CHIA: variants seen among roughly 807,000 people sequenced by gnomAD.
The protein encoded by CHIA is chitinase acidic.
Under a neutral mutation model 53.5 loss-of-function variants are expected in CHIA, and 47 were observed. That is an observed-to-expected ratio of 0.88 (90% CI 0.70 to 1.12). CHIA has a LOEUF of 1.12. Ranked by LOEUF, CHIA falls within the 50% of genes most tolerant of loss-of-function variation. CHIA has a pLI of 0.00. For missense variants in CHIA, 652 were observed against 592.2 expected (o/e 1.10, Z -1.05); for synonymous variants, 268 against 222.2 (o/e 1.21, Z -1.83).
rs775941250 is a variant in CHIA, at chr1:111,315,245, C to T, written c.315-25C>T. ...GGTGTTGGGACCACCAAGGTCTCAC[C>T]CTGCCTTCTTTGGGTCTCCCTCAGT... On this transcript the variant is annotated intron_variant, in intron 5 of 11. Transcript: ENST00000369740. 10 of 1,601,558 alleles carry T rather than the reference C, an allele frequency of 6.2e-6. No homozygotes were observed. In the East Asian group the frequency reaches 1.8e-4, roughly 29 times the overall value.
chr1:111,318,684 T>C lies in CHIA; in HGVS notation c.915+6T>C. 5 of 1,609,960 alleles carry C rather than the reference T, an allele frequency of 3.1e-6. No individual in the cohort carries two copies. The highest frequency in any genetic ancestry group is 8.5e-7 in the Non-Finnish European group (1 of 1,177,656). On this transcript the variant is annotated splice_donor_region_variant and intron_variant, in intron 9 of 11. Transcript: ENST00000369740. Reference sequence around the variant, plus strand: ...GGATCTGGGCTTACTACGAGGTATGTAGATTGGACTGAAAAGTGCTCTGTG... The same window carrying C: ...GGATCTGGGCTTACTACGAGGTATGCAGATTGGACTGAAAAGTGCTCTGTG...
At chr1:111,313,766 A>G (rs1278547232) in intron 4 of CHIA, among the ~76,000 whole-genome samples, 2 of 152,116 alleles carry the variant, frequency 1.3e-5, no homozygotes, top group African/African-American at 4.8e-5. Flanking sequence ...TAGTTTTACA[A>G]TTTGAGGTCA....
chr1:111,294,870 T>C (rs574679988), intron 1 of CHIA, among the ~76,000 whole-genome samples: 2 of 152,314 alleles, frequency 1.3e-5, no homozygotes, highest in South Asian at 2.1e-4. Context: ...ATTTCTTGCA[T>C]TCAATGAATA....
intron 2 of CHIA, 103 bp from the exon 3 acceptor site, chr1:111,311,586 T>C: frequency 5.2e-6 from 7 of 1,334,554 alleles, no homozygotes; most frequent in Non-Finnish European, 7.5e-6. Context: ...TCACTGAGGT[T>C]GTAACAATTT....
intron 9 of CHIA, 70 bp downstream of exon 9, chr1:111,318,748 A>C: frequency 6.7e-7 from 1 of 1,484,304 alleles, no homozygotes; most frequent in Non-Finnish European, 9.1e-7. Context: ...AATCTGCTGA[A>C]ATCTTGAATG....
At chr1:111,293,244 T>A (rs1661133911) in intron 1 of CHIA, among the ~76,000 whole-genome samples, 1 of 152,166 alleles carries the variant, frequency 6.6e-6, no homozygotes, top group South Asian at 2.1e-4. Flanking sequence ...TGTTAACACT[T>A]ATTATTTTCT....
rs762927070 is a variant in CHIA, at chr1:111,318,572, AC to A, written c.810del (p.Phe271SerfsTer3). ...LIVGFPTYGHNFILSNPSNTG... is the reference protein window; with the variant it reads ...LIVGFPTYGHXFILSNPSNTG... ...GTTGGATTCCCTACCTATGGACACA[AC>A]TTCATCCTGAGCAACCCCTCCAACA... On this transcript the variant is annotated frameshift_variant, in exon 9 of 12. Transcript: ENST00000369740. LOFTEE classifies it high-confidence loss of function. 6.2e-7 allele frequency: 1 copy of A among 1,614,174 alleles called. No homozygotes were observed. The highest frequency in any genetic ancestry group is 1.1e-5 in the South Asian group (1 of 91,080).
chr1:111,300,037 C>A (rs773231591), intron 1 of CHIA, among the ~76,000 whole-genome samples: 1 of 152,030 alleles, frequency 6.6e-6, no homozygotes, highest in Non-Finnish European at 1.5e-5. Context: ...ATGTGAAGGA[C>A]CTCTTCAAGG....
rs1279037497 is a variant in CHIA, at chr1:111,315,413, A to G, written c.458A>G (p.His153Arg). ...GSRGSPPQDK[H>R]LFTVLVQEMR... ...CGTGGGAGCCCTCCTCAGGACAAGC[A>G]TCTCTTCACTGTCCTGGTGCAGGTG... The change falls in exon 6 of 12, where the codon CAT (histidine) becomes CGT (arginine). Residue 153 changes from histidine to arginine, a missense_variant. Coordinates refer to ENST00000369740, the MANE Select transcript of CHIA (RefSeq NM_201653.4). 1 of 1,614,086 alleles carries G rather than the reference A, an allele frequency of 6.2e-7. No individual in the cohort carries two copies. The highest frequency in any genetic ancestry group is 1.1e-5 in the South Asian group (1 of 91,070).
At chr1:111,319,590 T>A in intron 11 of CHIA, 122 bp downstream of exon 11, 1 of 902,818 alleles carries the variant, frequency 1.1e-6, no homozygotes, top group Non-Finnish European at 1.7e-6. Flanking sequence ...ACCTCACCGC[T>A]CTTGCCCAGA....
chr1:111,310,536 C>A (rs1259840523), intron 2 of CHIA, 44 bp downstream of exon 2: 2 of 1,613,546 alleles, frequency 1.2e-6, no homozygotes, highest in Admixed American at 3.3e-5. Flanking sequence ...TATCTAGTTT[C>A]TTTTTCTCTC....
In CHIA at chr1:111,315,372, G is replaced by C; in HGVS notation, c.417G>C (p.Trp139Cys). 2 of 1,614,050 alleles carry C rather than the reference G, an allele frequency of 1.2e-6. No homozygotes were observed. Among genetic ancestry groups the C allele is most frequent in the Non-Finnish European group, 1.7e-6 (2 of 1,179,982 alleles). ...QYEFDGLDFD[W>C]EYPGSRGSPP... ...AGTTTGACGGGCTGGACTTTGACTG[G>C]GAGTACCCTGGCTCTCGTGGGAGCC... The change falls in exon 6 of 12, where the codon TGG becomes TGC. Residue 139 changes from tryptophan (W) to cysteine (C), a missense_variant. By Grantham distance (215) the Trp-to-Cys change is radical. Transcript: ENST00000369740.
At chr1:111,319,070 C>A in intron 9 of CHIA, 50 bp from the exon 10 acceptor site, 1 of 1,573,036 alleles carries the variant, frequency 6.4e-7, no homozygotes, top group Non-Finnish European at 8.6e-7. Flanking sequence ...ACATGTTTTT[C>A]TTTAATGGGA....
intron 1 of CHIA, among the ~76,000 whole-genome samples, chr1:111,308,092 G>A (rs4367782): frequency 0.41 from 62,206 of 152,020 alleles, 14,023 homozygotes; most frequent in East Asian, 0.83. Context: ...ACTCATAAAC[G>A]CAGTAATTCT....
intron 1 of CHIA, among the ~76,000 whole-genome samples, chr1:111,301,122 A>C (rs1183599187): frequency 6.6e-6 from 1 of 152,234 alleles, no homozygotes; most frequent in Admixed American, 6.5e-5. Context: ...ACACTTTTAC[A>C]CTGTTGGTGG....
rs543511960 is a variant in CHIA at position 111,310,242 on chromosome 1, C to T, written c.-68-158C>T. On this transcript the variant is annotated intron_variant, in intron 1 of 11. Transcript: ENST00000369740. ...ATGGTCTCCACCACCCTGTTAGGAGCCATGACATTGTTCTGTCCTTGTTGG... is the reference window on the plus strand; with the variant it reads ...ATGGTCTCCACCACCCTGTTAGGAGTCATGACATTGTTCTGTCCTTGTTGG... 7.2e-6 allele frequency: 6 copies of T among 835,092 alleles called. No individual in the cohort carries two copies. The South Asian group carries it at 1.4e-4, about 20-fold the overall frequency. The allele number at this position is 835,092 out of a possible 1,614,324, so 51.7% of individuals were successfully genotyped here.
At chr1:111,295,103 G>C (rs919458870) in intron 1 of CHIA, among the ~76,000 whole-genome samples, 2 of 152,148 alleles carry the variant, frequency 1.3e-5, no homozygotes, top group Non-Finnish European at 2.9e-5. Context: ...AAGAATTGGT[G>C]TTCATTTGTC....
In CHIA at chr1:111,315,408, C is replaced by T. The variant is rs1649076218; in HGVS notation, c.453C>T (p.Asp151=). 3 of 1,614,082 alleles carry T rather than the reference C, an allele frequency of 1.9e-6. No individual in the cohort carries two copies. The highest frequency in any genetic ancestry group is 2.5e-6 in the Non-Finnish European group (3 of 1,179,958). The stretch of plus-strand genomic sequence containing the variant: ...GCTCTCGTGGGAGCCCTCCTCAGGA[C>T]AAGCATCTCTTCACTGTCCTGGTGC... The part of the protein sequence containing the change: ...YPGSRGSPPQ[D]KHLFTVLVQE... Residue 151 remains aspartate (D), a synonymous_variant, in exon 6 of 12, where the codon GAC becomes GAT. Coordinates refer to ENST00000369740, the MANE Select transcript of CHIA (RefSeq NM_201653.4).
chr1:111,318,050 G>A lies in CHIA; in HGVS notation c.670G>A (p.Glu224Lys), dbSNP rs1649313328. Residue 224 changes from glutamate to lysine, a missense_variant, in exon 8 of 12, where the codon GAG (glutamate) becomes AAG (lysine). Transcript: ENST00000369740. ...LHGSWEGYTG[E>K]NSPLYKYPTD... ...TGGCTCCTGGGAGGGCTACACTGGAGAGAACAGCCCCCTCTACAAATACCC... is the reference window on the plus strand; with the variant it reads ...TGGCTCCTGGGAGGGCTACACTGGAAAGAACAGCCCCCTCTACAAATACCC... 1 of 1,614,046 alleles carries A rather than the reference G, an allele frequency of 6.2e-7. No homozygotes were observed. Among genetic ancestry groups the A allele is most frequent in the South Asian group, 1.1e-5 (1 of 91,088 alleles).
Sources: allele counts gnomAD v4.1 joint callset (sites outside exome capture counted in the v4.1 genomes callset), GRCh38; gene constraint gnomAD v4.1.1; transcripts MANE v1.5; gene names NCBI Gene and HGNC (gene_info 2026-07-23, HGNC 2026-07-21).